Variants in CABLES1 observed in about 807,000 individuals in gnomAD.
The protein encoded by CABLES1 is Cdk5 and Abl enzyme substrate 1.
CABLES1 carries 36 observed loss-of-function variants against 57.8 expected under a neutral mutation model. The ratio of observed to expected loss-of-function variants is 0.62; its 90% CI spans 0.48 to 0.82. CABLES1 has a LOEUF of 0.82. Among genes scored for constraint, CABLES1 ranks in the 40% least tolerant of loss-of-function variants. The pLI is 0.00. For missense variants in CABLES1, 767 were observed against 836.6 expected (o/e 0.92, Z 1.03); for synonymous variants, 374 against 363.0 (o/e 1.03, Z -0.35).
rs529998677 is a variant in CABLES1 at position 23,203,499 on chromosome 18, C to A, written c.1010+8959C>A. On this transcript the variant is annotated intron_variant, in intron 3 of 9. Coordinates refer to ENST00000256925, the MANE Select transcript of CABLES1 (RefSeq NM_001100619.3). ...AAAGAAACACGTTAAAAGACTTCAG[C>A]ACCCTTTATCTGCATTTTAAAGGAA... Among the ~76,000 whole-genome samples the A allele has an allele frequency of 2.2e-3, 339 of 151,702 alleles. 9 individuals are homozygous for A. The South Asian group carries it at 0.053, about 24-fold the overall frequency.
intron 1 of CABLES1, among the ~76,000 whole-genome samples, chr18:23,139,111 A>G (rs2046841599): frequency 1.3e-5 from 2 of 152,126 alleles, no homozygotes; most frequent in South Asian, 4.1e-4. Flanking sequence ...AAAAATTAGA[A>G]TGTCGGGCCG....
At chr18:23,158,119 TAAAAAAA>T (rs34187186) in intron 1 of CABLES1, among the ~76,000 whole-genome samples, 1 of 128,142 alleles carries the variant, frequency 7.8e-6, no homozygotes, top group African/African-American at 2.9e-5. Context: ...CCATCTCTAT[TAAAAAAA>T]AAAAAAAAAA....
chr18:23,253,822 C>T lies in CABLES1; in HGVS notation c.1647C>T (p.Ala549=). Residue 549 remains alanine (A), a synonymous_variant, in exon 9 of 10, where the codon GCC becomes GCT. Transcript: ENST00000256925. ...AMAFVYFEKL[A]LKGKLNKQNR... ...CCTTCGTCTACTTTGAAAAGCTCGC[C>T]CTCAAGGGGAAACTCAACAAACAGA... 6.2e-7 allele frequency: 1 copy of T among 1,614,208 alleles called. No individual in the cohort carries two copies. Among genetic ancestry groups the T allele is most frequent in the Non-Finnish European group, 8.5e-7 (1 of 1,180,046 alleles).
intron 1 of CABLES1, 99 bp from the exon 2 acceptor site, chr18:23,188,739 C>A: frequency 1.2e-6 from 1 of 847,300 alleles, no homozygotes; most frequent in Non-Finnish European, 2.0e-6. Context: ...TCTTAACGGA[C>A]TTCATGTTTT....
At chr18:23,177,564 C>T (rs1362515700) in intron 1 of CABLES1, among the ~76,000 whole-genome samples, 2 of 152,204 alleles carry the variant, frequency 1.3e-5, no homozygotes, top group East Asian at 1.9e-4. Context: ...AAGCCTGGCC[C>T]TCTGATTGCG....
rs757694791 is a variant in CABLES1, at chr18:23,136,438, G to A, written c.676G>A (p.Gly226Ser). The change falls in exon 1 of 10, where the codon GGC (glycine) becomes AGC (serine). Residue 226 changes from glycine to serine, a missense_variant. By Grantham distance (56) the Gly-to-Ser change is moderately conservative (BLOSUM62 0). Around this residue, in one of 4 missense-constraint regions of CABLES1, gnomAD observed 529 missense variants for 622.8 expected, o/e 0.85. Transcript: ENST00000256925. The part of the protein sequence containing the change: ...SVQVPAAAFL[G>S]SGTPGSGSGS... ...GCAGGTGCCGGCGGCCGCCTTTTTG[G>A]GCTCCGGGACCCCCGGGAGTGGGAG... The A allele has an allele frequency of 3.1e-6, 5 of 1,602,586 alleles. No individual in the cohort carries two copies. The highest frequency in any genetic ancestry group is 4.3e-6 in the Non-Finnish European group (5 of 1,176,234).
At chr18:23,204,985 A>C (rs1190174980) in intron 3 of CABLES1, among the ~76,000 whole-genome samples, 1 of 152,156 alleles carries the variant, frequency 6.6e-6, no homozygotes, top group African/African-American at 2.4e-5. Flanking sequence ...GTTCTGTTTT[A>C]ATCTTCTGCT....
chr18:23,138,627 T>TA (rs2046838089), intron 1 of CABLES1, among the ~76,000 whole-genome samples: 9 of 152,218 alleles, frequency 5.9e-5, no homozygotes, highest in African/African-American at 2.2e-4. Context: ...ACGCCGCTTG[T>TA]CTTATCACTA....
intron 1 of CABLES1, among the ~76,000 whole-genome samples, chr18:23,163,490 A>G (rs903125657): frequency 3.9e-5 from 6 of 152,142 alleles, no homozygotes; most frequent in Non-Finnish European, 7.3e-5. Flanking sequence ...AAACCAGGAC[A>G]GGGTAGCCTG....
intron 7 of CABLES1, among the ~76,000 whole-genome samples, chr18:23,246,462 G>A (rs1463586994): frequency 6.6e-6 from 1 of 151,970 alleles, no homozygotes; most frequent in Non-Finnish European, 1.5e-5. Context: ...CAAGATCTTG[G>A]CTCACTGCAA....
intron 1 of CABLES1, among the ~76,000 whole-genome samples, chr18:23,180,277 T>C (rs1195143002): frequency 6.6e-6 from 1 of 152,048 alleles, no homozygotes; most frequent in African/African-American, 2.4e-5. Flanking sequence ...TGGAGGAGCA[T>C]CTGGAATCTT....
chr18:23,221,049 G>T (rs1404620447), intron 4 of CABLES1, among the ~76,000 whole-genome samples: 22 of 152,112 alleles, frequency 1.4e-4, no homozygotes, highest in Admixed American at 1.4e-3. Flanking sequence ...CACCCAAGTT[G>T]CCCCCTGAGC....
At chr18:23,193,965 A>G (rs2047263870) in intron 2 of CABLES1, among the ~76,000 whole-genome samples, 1 of 152,224 alleles carries the variant, frequency 6.6e-6, no homozygotes, top group Non-Finnish European at 1.5e-5. Context: ...GGTCAAGTTG[A>G]AACTTAAGAC....
intron 1 of CABLES1, among the ~76,000 whole-genome samples, chr18:23,163,497 C>T (rs2047019416): frequency 6.6e-6 from 1 of 151,906 alleles, no homozygotes; most frequent in African/African-American, 2.4e-5. Flanking sequence ...GACAGGGTAG[C>T]CTGGATGTGG....
rs376040321 is a variant in CABLES1 at position 23,174,858 on chromosome 18, A to G, written c.846-13980A>G. Among the ~76,000 whole-genome samples the G allele has an allele frequency of 4.1e-4, 48 of 115,882 alleles. No homozygotes were observed. The East Asian group carries it at 0.012, about 28-fold the overall frequency. 76.0% of individuals were successfully genotyped at this position (115,882 alleles called of 152,430 possible). ...TATATATATATATATATATATATATATATGTTTTTTAAACTGCAGTAAAAT... is the reference window on the plus strand; with the variant it reads ...TATATATATATATATATATATATATGTATGTTTTTTAAACTGCAGTAAAAT... On this transcript the variant is annotated intron_variant, in intron 1 of 9. Transcript: ENST00000256925.
chr18:23,241,021 A>G (rs920877419), intron 7 of CABLES1, among the ~76,000 whole-genome samples: 4 of 152,248 alleles, frequency 2.6e-5, no homozygotes, highest in African/African-American at 4.8e-5. Flanking sequence ...CCCTGCAGAA[A>G]GTTCTCCTCC....
chr18:23,175,948 AAAG>A (rs1203658268), intron 1 of CABLES1, among the ~76,000 whole-genome samples: 2 of 152,256 alleles, frequency 1.3e-5, no homozygotes, highest in Non-Finnish European at 2.9e-5. Context: ...ATGTAAAAAA[AAAG>A]AATAAAGTCA....
At chr18:23,238,811 G>T (rs2145090325) in intron 7 of CABLES1, among the ~76,000 whole-genome samples, 1 of 152,330 alleles carries the variant, frequency 6.6e-6, no homozygotes, top group South Asian at 2.1e-4. Context: ...AGAGCTCCTG[G>T]CTCGAGGCTG....
At chr18:23,223,037 C>T (rs2047500909) in intron 4 of CABLES1, among the ~76,000 whole-genome samples, 1 of 152,214 alleles carries the variant, frequency 6.6e-6, no homozygotes. Flanking sequence ...GAGCCGCTTA[C>T]AAATACTTGC....
Sources: allele counts gnomAD v4.1 joint callset (sites outside exome capture counted in the v4.1 genomes callset), GRCh38; gene constraint gnomAD v4.1.1; regional missense constraint gnomAD v4.1.1; transcripts MANE v1.5; gene names NCBI Gene and HGNC (gene_info 2026-07-23, HGNC 2026-07-21).